GRIA2: variants seen among roughly 807,000 people sequenced by gnomAD.
GRIA2 encodes the protein glutamate receptor 2.
In GRIA2, 14 loss-of-function variants were observed where a neutral mutation model predicts 97.3. The ratio of observed to expected loss-of-function variants is 0.14; its 90% CI spans 0.10 to 0.23. The LOEUF (loss-of-function observed/expected upper bound fraction) is 0.23, where lower values mean the gene tolerates loss of function less well. Among genes scored for constraint, GRIA2 ranks in the 10% least tolerant of loss-of-function variants. GRIA2 has a pLI of 1.00. For missense variants in GRIA2, 558 were observed against 1,069.8 expected, an observed-to-expected ratio of 0.52 and a Z score of 6.67; for synonymous variants, 412 against 387.8, an observed-to-expected ratio of 1.06 and a Z score of -0.73.
chr4:157,296,814 C>T (rs905438778), intron 2 of GRIA2, among the ~76,000 whole-genome samples: 2 of 152,122 alleles, frequency 1.3e-5, no homozygotes, highest in Middle Eastern at 3.2e-3. Context: ...TATCAGTTGC[C>T]TGCTGTGTGC....
chr4:157,250,166 A>G (rs1730959373), intron 2 of GRIA2, among the ~76,000 whole-genome samples: 1 of 152,158 alleles, frequency 6.6e-6, no homozygotes, highest in South Asian at 2.1e-4. Context: ...AGTTGAAGAT[A>G]CAAGTATAAC....
intron 6 of GRIA2, among the ~76,000 whole-genome samples, chr4:157,330,706 C>G (rs76194773): frequency 1.7e-3 from 255 of 151,936 alleles, no homozygotes; most frequent in African/African-American, 5.9e-3. Context: ...ACATTTAAAG[C>G]AAAGTAAAAA....
chr4:157,248,568 T>TGTATATATATACAC (rs553775888), intron 2 of GRIA2, among the ~76,000 whole-genome samples: 5 of 10,612 alleles, frequency 4.7e-4, no homozygotes, highest in African/African-American at 2.1e-3. Context: ...TATATATACG[T>TGTATATATATACAC]GTGTATATAT....
chr4:157,233,528 A>T (rs985038022), intron 2 of GRIA2, among the ~76,000 whole-genome samples: 2 of 152,154 alleles, frequency 1.3e-5, no homozygotes, highest in African/African-American at 4.8e-5. Context: ...TTTGAATGTA[A>T]TTAGTAACTT....
At chr4:157,300,019 T>C (rs1036948229) in intron 2 of GRIA2, among the ~76,000 whole-genome samples, 11 of 152,236 alleles carry the variant, frequency 7.2e-5, no homozygotes, top group African/African-American at 2.6e-4. Context: ...GGTGTTGGTA[T>C]TGTATAACTC....
chr4:157,357,454 A>C (rs1208926217), intron 12 of GRIA2, among the ~76,000 whole-genome samples: 2 of 152,112 alleles, frequency 1.3e-5, no homozygotes, highest in African/African-American at 4.8e-5. Context: ...GCTGAGGAAA[A>C]ATTGTCTATC....
chr4:157,325,241 G>C (rs1005236920), intron 6 of GRIA2, among the ~76,000 whole-genome samples: 10 of 151,752 alleles, frequency 6.6e-5, no homozygotes, highest in African/African-American at 1.9e-4. Context: ...ATGTAAATAA[G>C]GTTTAATATT....
At chr4:157,324,573 G>C (rs1734722632) in intron 6 of GRIA2, among the ~76,000 whole-genome samples, 2 of 152,190 alleles carry the variant, frequency 1.3e-5, no homozygotes, top group African/African-American at 4.8e-5. Context: ...GTGAGAAGTT[G>C]CTTGGGGAAG....
At chr4:157,296,895 G>C (rs1033093379) in intron 2 of GRIA2, among the ~76,000 whole-genome samples, 5 of 152,042 alleles carry the variant, frequency 3.3e-5, no homozygotes, top group Admixed American at 1.3e-4. Flanking sequence ...ACAGTTTATG[G>C]GCAAACTAGA....
chr4:157,361,465 T>C lies in GRIA2; in HGVS notation c.2406+341T>C. 1 of 1,166,300 alleles carries C rather than the reference T, an allele frequency of 8.6e-7. No individual in the cohort carries two copies. Among genetic ancestry groups the C allele is most frequent in the Non-Finnish European group, 1.3e-6 (1 of 788,986 alleles). 72.2% of individuals were successfully genotyped at this position (1,166,300 alleles called of 1,614,324 possible). A position where few individuals can be genotyped will look rare whatever the true frequency, so the allele number is the denominator to read the frequency against. On this transcript the variant is annotated intron_variant, in intron 14 of 15. Coordinates refer to ENST00000264426, the MANE Select transcript of GRIA2 (RefSeq NM_001083619.3). The surrounding 1 kb of genome is among the most constrained non-coding windows in gnomAD (Gnocchi z 5.2). Reference sequence around the variant, plus strand: ...AATGACTATCGCTCTTACAAAGCTCTTGAATCAGTATTATGTAATGAATAA... The same window carrying C: ...AATGACTATCGCTCTTACAAAGCTCCTGAATCAGTATTATGTAATGAATAA...
intron 2 of GRIA2, among the ~76,000 whole-genome samples, chr4:157,279,840 C>G (rs1343700632): frequency 6.6e-6 from 1 of 152,042 alleles, no homozygotes; most frequent in Non-Finnish European, 1.5e-5. Flanking sequence ...AAACATATGA[C>G]TCGCCTGGGC....
chr4:157,271,338 C>T (rs1579320297), intron 2 of GRIA2, among the ~76,000 whole-genome samples: 1 of 152,172 alleles, frequency 6.6e-6, no homozygotes, highest in Middle Eastern at 3.4e-3. Context: ...CTCCCTGCTG[C>T]TGCCTTCAGA....
chr4:157,271,727 A>T (rs1397568124), intron 2 of GRIA2, among the ~76,000 whole-genome samples: 2 of 152,102 alleles, frequency 1.3e-5, no homozygotes, highest in Non-Finnish European at 2.9e-5. Context: ...TGGAGTTAAA[A>T]GCAACAACCC....
At chr4:157,264,236 G>T (rs1731669910) in intron 2 of GRIA2, among the ~76,000 whole-genome samples, 1 of 151,936 alleles carries the variant, frequency 6.6e-6, no homozygotes. Flanking sequence ...TTACAGTTCT[G>T]GAGGTTAGAA....
At chr4:157,341,173 C>A (rs1335724485) in intron 11 of GRIA2, 91 bp from the exon 12 acceptor site, 2 of 816,716 alleles carry the variant, frequency 2.4e-6, no homozygotes, top group Non-Finnish European at 4.2e-6. Flanking sequence ...AAATATTCCC[C>A]TATAAGTCAA....
chr4:157,284,113 C>T (rs763671786), intron 2 of GRIA2, among the ~76,000 whole-genome samples: 1 of 151,906 alleles, frequency 6.6e-6, no homozygotes, highest in South Asian at 2.1e-4. Flanking sequence ...TTGTAAGTGG[C>T]GTGACCCAGA....
rs1560786146 is a variant in GRIA2, at chr4:157,364,512, T to C, written c.*1081T>C. The C allele has an allele frequency of 6.6e-6, 1 of 152,060 alleles. No individual in the cohort carries two copies. Among genetic ancestry groups the C allele is most frequent in the Non-Finnish European group, 1.5e-5 (1 of 67,816 alleles). 9.4% of individuals were successfully genotyped at this position (152,060 alleles called of 1,614,324 possible). A position where few individuals can be genotyped will look rare whatever the true frequency, so the allele number is the denominator to read the frequency against. ...AAATATTTGTTAACACAAAAGCATT[T>C]GATCTATGTAGATAAATGCTAATAG... On this transcript the variant is annotated 3_prime_UTR_variant, in exon 16 of 16. Transcript: ENST00000264426.
intron 2 of GRIA2, among the ~76,000 whole-genome samples, chr4:157,244,600 A>G (rs900916102): frequency 6.6e-6 from 1 of 152,048 alleles, no homozygotes; most frequent in Non-Finnish European, 1.5e-5. Context: ...AAGAGTTTTT[A>G]TTCTTACAGG....
chr4:157,283,925 C>G (rs1183169534), intron 2 of GRIA2, among the ~76,000 whole-genome samples: 1 of 151,816 alleles, frequency 6.6e-6, no homozygotes, highest in Non-Finnish European at 1.5e-5. Flanking sequence ...TAATAAATGA[C>G]TAGTTAATGA....
Sources: allele counts gnomAD v4.1 joint callset (sites outside exome capture counted in the v4.1 genomes callset), GRCh38; gene constraint gnomAD v4.1.1; non-coding constraint Gnocchi (gnomAD v3.1); transcripts MANE v1.5; gene names NCBI Gene and HGNC (gene_info 2026-07-23, HGNC 2026-07-21).